ULK4: variants seen among roughly 807,000 people sequenced by gnomAD.
ULK4 encodes inactive serine/threonine-protein kinase ULK4.
Under a neutral mutation model 160.6 loss-of-function variants are expected in ULK4, and 133 were observed. The observed-to-expected ratio is 0.83, with a 90% CI of 0.72 to 0.96. ULK4 has a LOEUF of 0.96. ULK4 is among the 40% of genes least tolerant of loss of function. ULK4 has a pLI of 0.00. For synonymous variants in ULK4, 534 were observed against 539.8 expected, an observed-to-expected ratio of 0.99 and a Z score of 0.15; for missense variants, 1,580 against 1,499.5, an observed-to-expected ratio of 1.05 and a Z score of -0.89.
intron 32 of ULK4, among the ~76,000 whole-genome samples, chr3:41,489,354 G>C (rs529539057): frequency 6.6e-6 from 1 of 152,152 alleles, no homozygotes; most frequent in Non-Finnish European, 1.5e-5. Flanking sequence ...TAGCTGACTT[G>C]TAATATAATC....
chr3:41,854,716 G>A (rs1278624437), intron 17 of ULK4, among the ~76,000 whole-genome samples: 1 of 152,078 alleles, frequency 6.6e-6, no homozygotes, highest in Non-Finnish European at 1.5e-5. Context: ...AACCTAGAGA[G>A]AGGTTCCTTG....
chr3:41,248,147 C>T (rs1341124403), intron 36 of ULK4, among the ~76,000 whole-genome samples: 9 of 152,168 alleles, frequency 5.9e-5, no homozygotes, highest in South Asian at 2.1e-4. Context: ...AGACCCATAG[C>T]GCAGGTGCCT....
At chr3:41,773,940 T>C (rs2125923973) in intron 21 of ULK4, among the ~76,000 whole-genome samples, 1 of 152,292 alleles carries the variant, frequency 6.6e-6, no homozygotes, top group East Asian at 1.9e-4. Flanking sequence ...TATCTGATCT[T>C]TGACAAACCT....
chr3:41,478,071 C>T (rs924496071), intron 32 of ULK4, among the ~76,000 whole-genome samples: 3 of 152,192 alleles, frequency 2.0e-5, no homozygotes, highest in African/African-American at 4.8e-5. Context: ...TCTGCAGTCC[C>T]TTTGGCCTAG....
Position 41,334,476 on chromosome 3 carries a change from T to C in ULK4, c.3678+63603A>G, listed in dbSNP as rs1332991709. On this transcript the variant is annotated intron_variant, in intron 35 of 36. Coordinates refer to ENST00000301831, the MANE Select transcript of ULK4 (RefSeq NM_017886.4). ...TCTGGAGGATTTTTTATGGGCTATT[T>C]TTCTGCACAGGCCATGTGGGAAAAA... 2.6e-5 allele frequency among the ~76,000 whole-genome samples: 4 copies of C among 152,194 alleles called. No homozygotes were observed. The South Asian group carries it at 6.2e-4, about 24-fold the overall frequency.
In ULK4 at chr3:41,480,206, CAA is replaced by C. The variant is rs60805184; in HGVS notation, c.3227-16955_3227-16954del. On this transcript the variant is annotated intron_variant, in intron 32 of 36. Coordinates refer to ENST00000301831, the MANE Select transcript of ULK4 (RefSeq NM_017886.4). Reference sequence around the variant, plus strand: ...TGGGTGACAGAGCGAGACTCCGTATCAAAAAAAAAAAAAAAAAAAAAAAGTAT... The same window carrying C: ...TGGGTGACAGAGCGAGACTCCGTATCAAAAAAAAAAAAAAAAAAAAAGTAT... Among the ~76,000 whole-genome samples the C allele has an allele frequency of 5.0e-3, 482 of 97,148 alleles. 1 individual carries two copies. The highest frequency in any genetic ancestry group is 0.012 in the African/African-American group (331 of 26,550). 63.7% of individuals were successfully genotyped at this position (97,148 alleles called of 152,430 possible). A position where few individuals can be genotyped will look rare whatever the true frequency, so the allele number is the denominator to read the frequency against.
chr3:41,498,745 G>A (rs144684059), intron 32 of ULK4, among the ~76,000 whole-genome samples: 1,704 of 151,978 alleles, frequency 0.011, 12 homozygotes, highest in Non-Finnish European at 0.017. Flanking sequence ...ACAGGTGCCC[G>A]CCATCATGCC....
chr3:41,840,522 C>T lies in ULK4; in HGVS notation c.1657-4551G>A, dbSNP rs1029100140. 6.6e-5 allele frequency among the ~76,000 whole-genome samples: 10 copies of T among 152,308 alleles called. No homozygotes were observed. In the East Asian group the frequency reaches 9.7e-4, roughly 15 times the overall value. ...TGCCGAGTGCCTGCGATTGCAGGCG[C>T]GCGCCGCCACACCTGACTGGTTTTT... On this transcript the variant is annotated intron_variant, in intron 17 of 36. Coordinates refer to ENST00000301831, the MANE Select transcript of ULK4 (RefSeq NM_017886.4).
intron 35 of ULK4, among the ~76,000 whole-genome samples, chr3:41,302,351 G>A (rs1167156413): frequency 1.3e-5 from 2 of 152,132 alleles, no homozygotes; most frequent in Non-Finnish European, 2.9e-5. Flanking sequence ...AAGACTTAAT[G>A]GAATGGTTTA....
chr3:41,796,488 A>G (rs1038079605), intron 20 of ULK4, among the ~76,000 whole-genome samples: 8 of 152,242 alleles, frequency 5.3e-5, no homozygotes, highest in Non-Finnish European at 8.8e-5. Flanking sequence ...GCTATTCGGG[A>G]AGCTGAGTCA....
At chr3:41,509,079 A>C (rs1001400877) in intron 32 of ULK4, among the ~76,000 whole-genome samples, 3 of 152,108 alleles carry the variant, frequency 2.0e-5, no homozygotes, top group Non-Finnish European at 4.4e-5. Flanking sequence ...AACATGATAC[A>C]GGATATGAAA....
At chr3:41,766,990 C>T (rs898038683) in intron 21 of ULK4, 1 of 152,050 alleles carries the variant, frequency 6.6e-6, no homozygotes, top group African/African-American at 2.4e-5. Flanking sequence ...GATGTAAACG[C>T]AGTGTGCTTG....
At position 41,246,898 on chromosome 3, in the gene ULK4, C is replaced by T. The variant is rs2078653248; in HGVS notation, c.*31G>A. 1.2e-6 allele frequency: 2 copies of T among 1,609,942 alleles called. No individual in the cohort carries two copies. Among genetic ancestry groups the T allele is most frequent in the East Asian group, 4.5e-5 (2 of 44,764 alleles). ...CTTATGCATCCGAGGGCTGGGGCCACAGGGCGGGCTTGTGCTAAGCACCTT... is the reference window on the plus strand; with the variant it reads ...CTTATGCATCCGAGGGCTGGGGCCATAGGGCGGGCTTGTGCTAAGCACCTT... On this transcript the variant is annotated 3_prime_UTR_variant, in exon 37 of 37. Coordinates refer to ENST00000301831, the MANE Select transcript of ULK4 (RefSeq NM_017886.4).
intron 21 of ULK4, among the ~76,000 whole-genome samples, chr3:41,784,785 C>A (rs552015180): frequency 2.0e-5 from 3 of 152,248 alleles, no homozygotes; most frequent in African/African-American, 7.2e-5. Flanking sequence ...ACATAAACAT[C>A]CACTCAAGAA....
At chr3:41,834,571 A>G (rs1163371753) in intron 18 of ULK4, among the ~76,000 whole-genome samples, 3 of 152,260 alleles carry the variant, frequency 2.0e-5, no homozygotes, top group Non-Finnish European at 2.9e-5. Context: ...AAGAGGACGG[A>G]TTTGCTGTAC....
In ULK4 at chr3:41,444,078, G is replaced by A. The variant is rs73828035; in HGVS notation, c.3492+11419C>T. ...CATAAATTTCTATAAGTGGAATGACGACATTAAAAGGCATAAATAATCATA... is the reference window on the plus strand; with the variant it reads ...CATAAATTTCTATAAGTGGAATGACAACATTAAAAGGCATAAATAATCATA... On this transcript the variant is annotated intron_variant, in intron 34 of 36. Transcript: ENST00000301831. Among the ~76,000 whole-genome samples, 1,494 of 152,104 alleles carry A rather than the reference G, an allele frequency of 9.8e-3. 19 individuals carry two copies. The highest frequency in any genetic ancestry group is 0.034 in the African/African-American group (1,421 of 41,502).
At chr3:41,320,613 A>G (rs1413983008) in intron 35 of ULK4, among the ~76,000 whole-genome samples, 1 of 150,588 alleles carries the variant, frequency 6.6e-6, no homozygotes, top group Non-Finnish European at 1.5e-5. Flanking sequence ...CAAGAGGCCT[A>G]TCCTTTAAAT....
At chr3:41,489,078 G>C (rs1286392808) in intron 32 of ULK4, among the ~76,000 whole-genome samples, 1 of 151,896 alleles carries the variant, frequency 6.6e-6, no homozygotes, top group Non-Finnish European at 1.5e-5. Context: ...TTTCATGTAA[G>C]TTTCCTTCAA....
chr3:41,266,915 T>C (rs1367277969), intron 35 of ULK4, among the ~76,000 whole-genome samples: 1 of 147,940 alleles, frequency 6.8e-6, no homozygotes, highest in Non-Finnish European at 1.5e-5. Context: ...GCAATACTAA[T>C]GGAGGGTGTG....
Sources: gnomAD v4.1 joint callset for allele counts (sites outside exome capture counted in the v4.1 genomes callset) on GRCh38, gnomAD v4.1.1 for gene constraint, MANE v1.5 for transcripts, NCBI Gene and HGNC (gene_info 2026-07-23, HGNC 2026-07-21) for gene names.